Variants in FAM20A observed in about 807,000 individuals in gnomAD.
FAM20A encodes pseudokinase FAM20A.
Under a neutral mutation model 52.0 loss-of-function variants are expected in FAM20A, and 42 were observed. The observed-to-expected ratio is 0.81, with a 90% CI of 0.63 to 1.04. FAM20A has a LOEUF of 1.04. Ranked by LOEUF, FAM20A falls within the 50% of genes least tolerant of loss-of-function variation. The pLI, the probability that FAM20A is intolerant of heterozygous loss-of-function variation, is 0.00. For synonymous variants in FAM20A, 304 were observed against 298.9 expected, an observed-to-expected ratio of 1.02 and a Z score of -0.18; for missense variants, 742 against 712.7, an observed-to-expected ratio of 1.04 and a Z score of -0.47.
intron 1 of FAM20A, among the ~76,000 whole-genome samples, chr17:68,571,447 T>C (rs1170936949): frequency 6.6e-6 from 1 of 152,228 alleles, no homozygotes; most frequent in East Asian, 1.9e-4. Flanking sequence ...AGAAAATCCC[T>C]TGGACACAGG....
chr17:68,600,598 G>A lies in FAM20A; in HGVS notation c.69C>T (p.Leu23=), dbSNP rs746533628. 2.8e-5 allele frequency: 44 copies of A among 1,563,110 alleles called. No individual in the cohort carries two copies. The highest frequency in any genetic ancestry group is 5.4e-5 in the African/African-American group (4 of 74,054). Residue 23 remains leucine, a synonymous_variant, in exon 1 of 11, where the codon CTC becomes CTT. Coordinates refer to ENST00000592554, the MANE Select transcript of FAM20A (RefSeq NM_017565.4). This position sits in a 1 kb window ranked among gnomAD's most constrained non-coding sequence, Gnocchi z 6.2. ...GTACTTGGGGCCAGAGGTGGAAGTA[G>A]AGGTCGGCGGAGAGCAGCGCGCCCA... ...LLLGALLSAD[L]YFHLWPQVQR...
chr17:68,582,402 T>C (rs780994878), intron 1 of FAM20A: 2 of 152,244 alleles, frequency 1.3e-5, no homozygotes, highest in African/African-American at 2.4e-5. Context: ...GAGAGGCAGC[T>C]AAGTCAAGTG....
intron 1 of FAM20A, among the ~76,000 whole-genome samples, chr17:68,578,670 T>C (rs2087843822): frequency 6.6e-6 from 1 of 151,832 alleles, no homozygotes. Flanking sequence ...GTAGCCAGGC[T>C]TCTCTCACTC....
intron 1 of FAM20A, among the ~76,000 whole-genome samples, chr17:68,558,780 C>T (rs576596136): frequency 1.9e-4 from 29 of 151,986 alleles, no homozygotes; most frequent in Non-Finnish European, 2.9e-4. Flanking sequence ...CTTCTTTCGA[C>T]GAAGTTTTGC....
intron 1 of FAM20A, among the ~76,000 whole-genome samples, chr17:68,571,506 AT>A (rs1415335667): frequency 6.6e-6 from 1 of 152,202 alleles, no homozygotes; most frequent in Non-Finnish European, 1.5e-5. Context: ...GGTCTCACTC[AT>A]TTAATACATT....
chr17:68,562,741 C>A (rs866476549), intron 1 of FAM20A, among the ~76,000 whole-genome samples: 1 of 152,090 alleles, frequency 6.6e-6, no homozygotes, highest in Non-Finnish European at 1.5e-5. Context: ...AATGCCCCAT[C>A]TCCTTGAGTC....
intron 1 of FAM20A, among the ~76,000 whole-genome samples, chr17:68,562,009 A>C (rs748792015): frequency 1.3e-5 from 2 of 152,126 alleles, no homozygotes; most frequent in Non-Finnish European, 2.9e-5. Flanking sequence ...TTTTCAGTAG[A>C]GACGGGGTTT....
Position 68,535,207 on chromosome 17 carries a change from T to G in FAM20A, c.*2270A>C, listed in dbSNP as rs1190475086. 4.5e-6 allele frequency: 2 copies of G among 447,928 alleles called. No homozygotes were observed. Among genetic ancestry groups the G allele is most frequent in the Non-Finnish European group, 9.0e-6 (2 of 222,502 alleles). 27.7% of individuals were successfully genotyped at this position (447,928 alleles called of 1,614,324 possible). ...CGAGTAAGAATGAAACGGTTGGTTT[T>G]CTGATATTTTTGAGAAATGAGTCTT... On this transcript the variant is annotated 3_prime_UTR_variant, in exon 11 of 11. Transcript: ENST00000592554.
rs540243154 is a variant in FAM20A at position 68,589,630 on chromosome 17, C to A, written c.404+10633G>T. Among the ~76,000 whole-genome samples the A allele has an allele frequency of 5.3e-5, 8 of 152,148 alleles. No individual in the cohort carries two copies. In the South Asian group the frequency reaches 1.7e-3, roughly 32 times the overall value. On this transcript the variant is annotated intron_variant, in intron 1 of 10. Coordinates refer to ENST00000592554, the MANE Select transcript of FAM20A (RefSeq NM_017565.4). ...TTTGGAGAAAGGAAGGAAGTTTACT[C>A]TATTTTCAAATATTGCAAATCAGTG...
At chr17:68,574,876 G>C (rs141734112) in intron 1 of FAM20A, among the ~76,000 whole-genome samples, 2 of 152,228 alleles carry the variant, frequency 1.3e-5, no homozygotes, top group Admixed American at 6.5e-5. Context: ...TAAGAATCTT[G>C]AGATGGAGAG....
chr17:68,551,247 A>G (rs141240630), intron 4 of FAM20A: 345 of 763,974 alleles, frequency 4.5e-4, no homozygotes, highest in Non-Finnish European at 5.7e-4. Flanking sequence ...ACTCATCTCT[A>G]TGTTTCACAA....
At chr17:68,559,325 A>G (rs1002602831) in intron 1 of FAM20A, among the ~76,000 whole-genome samples, 1 of 152,154 alleles carries the variant, frequency 6.6e-6, no homozygotes, top group Admixed American at 6.5e-5. Flanking sequence ...TAAAACTTTT[A>G]TTTTCCCTCA....
At chr17:68,571,407 C>T (rs1390027485) in intron 1 of FAM20A, among the ~76,000 whole-genome samples, 2 of 152,176 alleles carry the variant, frequency 1.3e-5, no homozygotes, top group Non-Finnish European at 2.9e-5. Flanking sequence ...CTCCATCATA[C>T]TCCAAAACAC....
chr17:68,587,366 C>T (rs2088191041), intron 1 of FAM20A, among the ~76,000 whole-genome samples: 1 of 152,186 alleles, frequency 6.6e-6, no homozygotes. Flanking sequence ...CCAGAAGATC[C>T]AGTCTCAGTT....
intron 8 of FAM20A, chr17:68,540,403 C>T (rs1413826115): frequency 4.4e-6 from 2 of 451,948 alleles, no homozygotes; most frequent in African/African-American, 4.0e-5. Context: ...GACCTAAGCT[C>T]CTGTATGACG....
At position 68,539,381 on chromosome 17, in the gene FAM20A, G is replaced by A; in HGVS notation, c.1317C>T (p.Ser439=). 6.2e-7 allele frequency: 1 copy of A among 1,614,160 alleles called. No homozygotes were observed. Among genetic ancestry groups the A allele is most frequent in the Non-Finnish European group, 8.5e-7 (1 of 1,180,034 alleles). ...GCGAGAGGATGGAGATTTCATCATG[G>A]GAGTGTCGTCCGAACCTAGGAGGAG... is the stretch of plus-strand genomic sequence containing the variant. ...LDNARGFGRH[S]HDEISILSPL... The change falls in exon 10 of 11, where the codon TCC becomes TCT. Residue 439 remains serine, a synonymous_variant. Coordinates refer to ENST00000592554, the MANE Select transcript of FAM20A (RefSeq NM_017565.4).
chr17:68,549,559 A>G (rs148639238), intron 4 of FAM20A, among the ~76,000 whole-genome samples: 15 of 151,846 alleles, frequency 9.9e-5, no homozygotes, highest in Non-Finnish European at 1.9e-4. Context: ...GGAGAACAGA[A>G]TCTATGGACC....
intron 1 of FAM20A, among the ~76,000 whole-genome samples, chr17:68,560,620 C>T (rs2087187402): frequency 6.6e-6 from 1 of 152,138 alleles, no homozygotes; most frequent in Admixed American, 6.6e-5. Context: ...TTTTGTTATG[C>T]CGAGCGATGC....
chr17:68,559,001 G>A (rs1051230464), intron 1 of FAM20A, among the ~76,000 whole-genome samples: 3 of 152,020 alleles, frequency 2.0e-5, no homozygotes, highest in African/African-American at 2.4e-5. Flanking sequence ...CAGGTGATCC[G>A]CCCGCCTTGA....
Sources: gnomAD v4.1 joint callset for allele counts (sites outside exome capture counted in the v4.1 genomes callset) on GRCh38, gnomAD v4.1.1 for gene constraint, Gnocchi (gnomAD v3.1) non-coding constraint, MANE v1.5 for transcripts, NCBI Gene and HGNC (gene_info 2026-07-23, HGNC 2026-07-21) for gene names.